MACROD2: variants seen among roughly 807,000 people sequenced by gnomAD.
MACROD2 encodes ADP-ribose glycohydrolase MACROD2.
MACROD2 carries 36 observed loss-of-function variants against 70.4 expected under a neutral mutation model. That is an observed-to-expected ratio of 0.51 (90% CI 0.39 to 0.68). The LOEUF (loss-of-function observed/expected upper bound fraction) is 0.68, where lower values mean the gene tolerates loss of function less well. Ranked by LOEUF, MACROD2 falls within the 30% of genes least tolerant of loss-of-function variation. The probability of loss-of-function intolerance (pLI) is 0.00; values close to 1 mark genes in which losing one functional copy is unlikely to be tolerated. For missense variants in MACROD2, 496 were observed against 538.4 expected (o/e 0.92, Z 0.78); for synonymous variants, 172 against 178.8 (o/e 0.96, Z 0.30).
chr20:14,208,039 T>C (rs2081540375), intron 3 of MACROD2, among the ~76,000 whole-genome samples: 2 of 152,234 alleles, frequency 1.3e-5, no homozygotes, highest in Admixed American at 6.5e-5. Flanking sequence ...TGGAAATTGA[T>C]ATGTTGATAG....
chr20:14,767,762 G>A, intron 5 of MACROD2, among the ~76,000 whole-genome samples: 1 of 151,718 alleles, frequency 6.6e-6, no homozygotes, highest in Admixed American at 6.6e-5. Context: ...TCTACATTAG[G>A]TATTTCTCCT....
intron 2 of MACROD2, among the ~76,000 whole-genome samples, chr20:14,002,792 AAG>A (rs980326706): frequency 6.6e-6 from 1 of 152,170 alleles, no homozygotes; most frequent in Non-Finnish European, 1.5e-5. Flanking sequence ...ATACAGCTGA[AAG>A]AGAGAGTATA....
intron 5 of MACROD2, among the ~76,000 whole-genome samples, chr20:15,043,325 C>T (rs772675443): frequency 2.0e-5 from 3 of 152,234 alleles, no homozygotes; most frequent in Non-Finnish European, 4.4e-5. Flanking sequence ...TGCATAGGAG[C>T]AGCCAGCTGG....
At chr20:14,827,222 C>T (rs1442970820) in intron 5 of MACROD2, among the ~76,000 whole-genome samples, 1 of 152,150 alleles carries the variant, frequency 6.6e-6, no homozygotes, top group Non-Finnish European at 1.5e-5. Context: ...AGGTTGGCAT[C>T]AAATGACTTA....
intron 4 of MACROD2, among the ~76,000 whole-genome samples, chr20:14,592,701 G>C (rs928725802): frequency 2.0e-4 from 31 of 152,012 alleles, no homozygotes; most frequent in African/African-American, 7.5e-4. Context: ...GTCTGCATAG[G>C]GATCATTTAT....
chr20:14,532,388 T>A (rs1221841890), intron 4 of MACROD2, among the ~76,000 whole-genome samples: 1 of 151,478 alleles, frequency 6.6e-6, no homozygotes, highest in Non-Finnish European at 1.5e-5. Context: ...CGGCTAATTT[T>A]TTTTTTTTTT....
chr20:15,613,700 C>T (rs190848618), intron 8 of MACROD2, among the ~76,000 whole-genome samples: 4 of 152,198 alleles, frequency 2.6e-5, no homozygotes, highest in South Asian at 2.1e-4. Flanking sequence ...GGCTGGGATT[C>T]GAATCCAGTC....
intron 3 of MACROD2, among the ~76,000 whole-genome samples, chr20:14,417,047 TATCTATCTATCTATCTATCATCTATC>T (rs1568602482): frequency 1.5e-5 from 2 of 130,732 alleles, no homozygotes; most frequent in African/African-American, 5.5e-5. Context: ...ATCTATCTAT[TATCTATCTATCTATCTATCATCTATC>T]TATCTATCTA....
chr20:14,443,129 C>A (rs908883792), intron 3 of MACROD2, among the ~76,000 whole-genome samples: 2 of 151,620 alleles, frequency 1.3e-5, no homozygotes, highest in South Asian at 2.1e-4. Context: ...TAATACTGAC[C>A]CTGCCACAGA....
At chr20:14,400,422 C>T (rs1222777653) in intron 3 of MACROD2, among the ~76,000 whole-genome samples, 1 of 152,142 alleles carries the variant, frequency 6.6e-6, no homozygotes, top group East Asian at 1.9e-4. Context: ...GATATTATTC[C>T]TCTCAGGTAG....
chr20:15,394,977 C>T (rs60515521), intron 6 of MACROD2, among the ~76,000 whole-genome samples: 5,783 of 152,204 alleles, frequency 0.038, 324 homozygotes, highest in African/African-American at 0.12. Context: ...CAAAGGTGAA[C>T]CTAGTCTTCA....
At chr20:14,217,089 C>T (rs1049424870) in intron 3 of MACROD2, among the ~76,000 whole-genome samples, 3 of 152,024 alleles carry the variant, frequency 2.0e-5, no homozygotes, top group Non-Finnish European at 4.4e-5. Context: ...TGTTCCAGTT[C>T]TGAGAGGGAA....
At chr20:14,800,971 CATA>C (rs2072568005) in intron 5 of MACROD2, among the ~76,000 whole-genome samples, 2 of 152,096 alleles carry the variant, frequency 1.3e-5, no homozygotes, top group Non-Finnish European at 2.9e-5. Flanking sequence ...CCATTTCACC[CATA>C]ATTTAGCTTG....
chr20:14,316,235 T>A lies in MACROD2; in HGVS notation c.272-177244T>A, dbSNP rs554410891. On this transcript the variant is annotated intron_variant, in intron 3 of 17. Coordinates refer to ENST00000684519, the MANE Select transcript of MACROD2 (RefSeq NM_001351661.2). ...AGAAAGACAAGTGTTACTTTTAGGG[T>A]AGTTGACAGCCATTGACTATTGATG... Among the ~76,000 whole-genome samples, 199 of 152,232 alleles carry A rather than the reference T, an allele frequency of 1.3e-3. 2 individuals carry two copies. Among genetic ancestry groups the A allele is most frequent in the Non-Finnish European group, 2.3e-3 (156 of 68,022 alleles).
chr20:15,137,235 T>A (rs2076155768), intron 5 of MACROD2, among the ~76,000 whole-genome samples: 1 of 151,820 alleles, frequency 6.6e-6, no homozygotes, highest in South Asian at 2.1e-4. Flanking sequence ...CTGTAAATCA[T>A]GCTGCTATAA....
chr20:15,575,146 C>T (rs1383773989), intron 8 of MACROD2, among the ~76,000 whole-genome samples: 1 of 152,090 alleles, frequency 6.6e-6, no homozygotes, highest in Non-Finnish European at 1.5e-5. Context: ...CAGAGCATTT[C>T]GTTTTAATAG....
chr20:15,406,379 C>G (rs1442402626), intron 6 of MACROD2, among the ~76,000 whole-genome samples: 1 of 151,982 alleles, frequency 6.6e-6, no homozygotes, highest in Non-Finnish European at 1.5e-5. Flanking sequence ...ACCTCCTGGC[C>G]CAAAGCTAAG....
Position 14,296,257 on chromosome 20 carries a change from A to G in MACROD2, c.272-197222A>G, listed in dbSNP as rs187030967. ...ATTCGATATCATCTGCTACATGTGA[A>G]GATATGAATATCTAAAGATTCAGCA... On this transcript the variant is annotated intron_variant, in intron 3 of 17. Coordinates refer to ENST00000684519, the MANE Select transcript of MACROD2 (RefSeq NM_001351661.2). Among the ~76,000 whole-genome samples, 25 of 152,036 alleles carry G rather than the reference A, an allele frequency of 1.6e-4. 1 individual carries two copies. Among genetic ancestry groups the G allele is most frequent in the African/African-American group, 5.3e-4 (22 of 41,326 alleles).
chr20:15,708,843 A>T (rs2050578171), intron 8 of MACROD2, among the ~76,000 whole-genome samples: 1 of 152,040 alleles, frequency 6.6e-6, no homozygotes. Flanking sequence ...TGGGCAAAAT[A>T]GCAAGACCTC....
Sources: gnomAD v4.1 joint callset for allele counts (sites outside exome capture counted in the v4.1 genomes callset) on GRCh38, gnomAD v4.1.1 for gene constraint, MANE v1.5 for transcripts, NCBI Gene and HGNC (gene_info 2026-07-23, HGNC 2026-07-21) for gene names.